F8: variants seen among roughly 807,000 people sequenced by gnomAD.
F8 encodes coagulation factor VIII.
F8 carries 12 observed loss-of-function variants against 140.6 expected under a neutral mutation model. That is an observed-to-expected ratio of 0.09 (90% CI 0.05 to 0.14). F8 has a LOEUF of 0.14. F8 is among the 10% of genes least tolerant of loss of function. The pLI, the probability that F8 is intolerant of heterozygous loss-of-function variation, is 1.00. For missense variants in F8, 1,354 were observed against 1,720.7 expected, an observed-to-expected ratio of 0.79 and a Z score of 3.77; for synonymous variants, 585 against 614.6, an observed-to-expected ratio of 0.95 and a Z score of 0.71.
At chrX:154,847,429 C>T (rs1172531106) in intron 25 of F8, among the ~76,000 whole-genome samples, 2 of 112,106 alleles carry the variant, frequency 1.8e-5, no homozygotes, top group Admixed American at 1.9e-4. Context: ...ACTAATCAGA[C>T]ATAGATTTGG....
rs781973343 is a variant in F8 at position 154,969,578 on chromosome X, T to C, written c.788-26A>G. On this transcript the variant is annotated intron_variant, in intron 6 of 25. Coordinates refer to ENST00000360256, the MANE Select transcript of F8 (RefSeq NM_000132.4). Reference sequence around the variant, plus strand: ...CTGTAAAGTAGGAATAAGACACCTATGGCTATGAAGTAGAGAATCTGAAAT... The same window carrying C: ...CTGTAAAGTAGGAATAAGACACCTACGGCTATGAAGTAGAGAATCTGAAAT... 11 of 1,146,755 alleles carry C rather than the reference T, an allele frequency of 9.6e-6. No individual in the cohort carries two copies. The African/African-American group carries it at 2.0e-4, about 20-fold the overall frequency. 94.5% of individuals were successfully genotyped at this position (1,146,755 alleles called of 1,213,427 possible).
intron 14 of F8, among the ~76,000 whole-genome samples, chrX:154,916,864 C>G (rs1269479987): frequency 9.1e-6 from 1 of 109,855 alleles, no homozygotes; most frequent in Non-Finnish European, 1.9e-5. Context: ...TTTCTATGTC[C>G]TTGAGTTACA....
intron 3 of F8, among the ~76,000 whole-genome samples, chrX:154,996,764 G>A (rs1557285114): frequency 8.9e-6 from 1 of 111,998 alleles, no homozygotes. Flanking sequence ...ATCTACTATA[G>A]GGTAGGCAAT....
At chrX:155,009,096 T>G (rs1557286334) in intron 1 of F8, among the ~76,000 whole-genome samples, 1 of 109,649 alleles carries the variant, frequency 9.1e-6, no homozygotes, top group Non-Finnish European at 1.9e-5. Flanking sequence ...TTTTTTTTTT[T>G]TTTTGAGACG....
intron 22 of F8, among the ~76,000 whole-genome samples, chrX:154,863,636 C>T (rs1479788070): frequency 1.8e-5 from 2 of 110,532 alleles, no homozygotes; most frequent in Admixed American, 1.9e-4. Flanking sequence ...GCTCTTGTTC[C>T]CCCACAGGAA....
intron 25 of F8, among the ~76,000 whole-genome samples, chrX:154,842,420 C>T (rs1376245404): frequency 9.0e-6 from 1 of 111,471 alleles, no homozygotes; most frequent in Non-Finnish European, 1.9e-5. Context: ...TGAGACATAC[C>T]TTAGCTCATT....
At chrX:154,963,426 C>T (rs1045954437) in intron 9 of F8, among the ~76,000 whole-genome samples, 8 of 111,674 alleles carry the variant, frequency 7.2e-5, no homozygotes, top group Non-Finnish European at 5.7e-5. Context: ...TGTATATGTG[C>T]CACATTTTCT....
intron 22 of F8, among the ~76,000 whole-genome samples, chrX:154,876,349 G>C (rs2072816272): frequency 1.8e-5 from 2 of 110,429 alleles, no homozygotes; most frequent in Admixed American, 9.6e-5. Context: ...TCAATCTCCT[G>C]ACCTTGTGAT....
intron 13 of F8, among the ~76,000 whole-genome samples, chrX:154,937,269 A>G (rs1407765917): frequency 4.5e-5 from 5 of 111,756 alleles, no homozygotes; most frequent in Non-Finnish European, 7.5e-5. Flanking sequence ...AACATAGAAA[A>G]TAAACAAAAC....
At chrX:154,997,362 A>C in intron 2 of F8, among the ~76,000 whole-genome samples, 1 of 112,707 alleles carries the variant, frequency 8.9e-6, no homozygotes, top group South Asian at 3.6e-4. Flanking sequence ...GTGCAGTAGC[A>C]AACAAGACAG....
intron 25 of F8, among the ~76,000 whole-genome samples, chrX:154,852,948 TTCTTA>T (rs201766049): frequency 0.012 from 1,384 of 112,227 alleles, 24 homozygotes; most frequent in African/African-American, 0.042. Context: ...TGTGGTAATA[TTCTTA>T]TCTTAAGAAT....
chrX:154,970,518 C>CA (rs2073450871), intron 6 of F8, among the ~76,000 whole-genome samples: 1 of 111,575 alleles, frequency 9.0e-6, no homozygotes, highest in African/African-American at 3.3e-5. Context: ...CATATTCTCC[C>CA]CTCTAAGACT....
At chrX:155,017,681 G>A (rs782207835) in intron 1 of F8, among the ~76,000 whole-genome samples, 35 of 110,739 alleles carry the variant, frequency 3.2e-4, no homozygotes, top group African/African-American at 1.1e-3. Context: ...GCTGGGGTGG[G>A]GTGGGATAGA....
At chrX:155,011,584 C>T (rs1557286569) in intron 1 of F8, among the ~76,000 whole-genome samples, 1 of 111,994 alleles carries the variant, frequency 8.9e-6, no homozygotes, top group African/African-American at 3.3e-5. Context: ...AGCATATGTA[C>T]ACAAAGACTT....
intron 3 of F8, among the ~76,000 whole-genome samples, chrX:154,994,339 CA>C (rs1188277264): frequency 4.5e-5 from 5 of 111,816 alleles, no homozygotes; most frequent in African/African-American, 1.6e-4. Context: ...CCCACATAAA[CA>C]AAATGACACT....
intron 12 of F8, among the ~76,000 whole-genome samples, chrX:154,949,657 T>A (rs1451335623): frequency 9.0e-6 from 1 of 111,676 alleles, no homozygotes; most frequent in Non-Finnish European, 1.9e-5. Context: ...TTTTGAACAC[T>A]AAAATTCCAA....
At chrX:154,943,967 T>C (rs1273121378) in intron 13 of F8, among the ~76,000 whole-genome samples, 1 of 111,943 alleles carries the variant, frequency 8.9e-6, no homozygotes, top group Non-Finnish European at 1.9e-5. Context: ...GCTAGCCATA[T>C]GTAGAAAGCT....
intron 6 of F8, among the ~76,000 whole-genome samples, chrX:154,981,546 G>C (rs1249618689): frequency 2.7e-5 from 3 of 110,419 alleles, no homozygotes; most frequent in South Asian, 3.9e-4. Context: ...CATATATAAG[G>C]AAGGGTATGT....
chrX:154,842,712 TTTATTTGTAGC>T (rs1156877165), intron 25 of F8, among the ~76,000 whole-genome samples: 1 of 112,459 alleles, frequency 8.9e-6, no homozygotes, highest in South Asian at 3.6e-4. Flanking sequence ...TTGAGACTAC[TTTATTTGTAGC>T]TTATTTGTAG....
Sources: gnomAD v4.1 joint callset for allele counts (sites outside exome capture counted in the v4.1 genomes callset) on GRCh38, gnomAD v4.1.1 for gene constraint, MANE v1.5 for transcripts, NCBI Gene and HGNC (gene_info 2026-07-23, HGNC 2026-07-21) for gene names.